The following TBC1D5 variants were observed in gnomAD, a reference collection of about 807,000 sequenced individuals.
TBC1D5 encodes TBC1 domain family, member 5.
TBC1D5 carries 75 observed loss-of-function variants against 100.3 expected under a neutral mutation model. The ratio of observed to expected loss-of-function variants is 0.75; its 90% confidence interval spans 0.62 to 0.91. The LOEUF (loss-of-function observed/expected upper bound fraction) is 0.91, where lower values mean the gene tolerates loss of function less well. Ranked by LOEUF, TBC1D5 falls within the 40% of genes least tolerant of loss-of-function variation. The pLI, the probability that TBC1D5 is intolerant of heterozygous loss-of-function variation, is 0.00. For synonymous variants in TBC1D5, 323 were observed against 325.6 expected (o/e 0.99, Z 0.09); for missense variants, 910 against 942.4 (o/e 0.97, Z 0.45).
chr3:17,693,422 G>C (rs993155355), intron 1 of TBC1D5, among the ~76,000 whole-genome samples: 1 of 152,230 alleles, frequency 6.6e-6, no homozygotes, highest in Non-Finnish European at 1.5e-5. Context: ...GGCAGACAAG[G>C]AGATTCTCTC....
At chr3:17,572,545 C>T (rs1205612565) in intron 2 of TBC1D5, among the ~76,000 whole-genome samples, 1 of 152,016 alleles carries the variant, frequency 6.6e-6, no homozygotes, top group Non-Finnish European at 1.5e-5. Flanking sequence ...CTCTGACAGT[C>T]AGCTCTTCAG....
chr3:17,734,050 G>A (rs1057444044), intron 1 of TBC1D5, among the ~76,000 whole-genome samples: 1 of 152,068 alleles, frequency 6.6e-6, no homozygotes, highest in African/African-American at 2.4e-5. Flanking sequence ...TTTTGACCCA[G>A]CAATTGTATT....
intron 2 of TBC1D5, among the ~76,000 whole-genome samples, chr3:17,553,122 G>T (rs2096487489): frequency 6.6e-6 from 1 of 152,058 alleles, no homozygotes; most frequent in African/African-American, 2.4e-5. Flanking sequence ...CCATATTTCA[G>T]ACAAAAGAGA....
rs2095138561 is a variant in TBC1D5 at position 17,458,541 on chromosome 3, A to C, written c.98-30022T>G. ...TCTCATCAGTATACACTTGGCTTCT[A>C]TCAATGTAACGATCATCTTAGTTGA... On this transcript the variant is annotated intron_variant, in intron 3 of 21. Coordinates refer to ENST00000253692, the Ensembl canonical transcript of TBC1D5. Among the ~76,000 whole-genome samples the C allele has an allele frequency of 2.6e-5, 4 of 152,104 alleles. No individual in the cohort carries two copies. In the South Asian group the frequency reaches 8.3e-4, roughly 32 times the overall value.
intron 2 of TBC1D5, among the ~76,000 whole-genome samples, chr3:17,612,210 G>T (rs56057697): frequency 0.1 from 15,153 of 149,028 alleles, 839 homozygotes; most frequent in African/African-American, 0.15. Flanking sequence ...TGAGGTGGGA[G>T]AATCACTTGA....
intron 2 of TBC1D5, among the ~76,000 whole-genome samples, chr3:17,602,885 T>C (rs2061074924): frequency 6.6e-6 from 1 of 152,070 alleles, no homozygotes; most frequent in African/African-American, 2.4e-5. Flanking sequence ...GACAATCAGA[T>C]TTTTTAATGG....
chr3:17,166,914 T>C (rs1342160147), exon 21 of TBC1D5: 4 of 1,605,220 alleles, frequency 2.5e-6, no homozygotes, highest in African/African-American at 1.3e-5. Flanking sequence ...GGGAACCTTT[T>C]AGAATGTCTT....
chr3:17,672,405 C>T (rs936890718), intron 1 of TBC1D5: 8 of 152,078 alleles, frequency 5.3e-5, no homozygotes, highest in African/African-American at 1.9e-4. Flanking sequence ...TCATATTGTT[C>T]ATATTAAGCA....
At chr3:17,634,881 A>T (rs552608901) in intron 1 of TBC1D5, among the ~76,000 whole-genome samples, 20 of 152,344 alleles carry the variant, frequency 1.3e-4, no homozygotes, top group Non-Finnish European at 2.4e-4. Context: ...AAACATTTTT[A>T]AAAAAGAAAT....
At chr3:17,211,638 T>C (rs938397052) in intron 18 of TBC1D5, among the ~76,000 whole-genome samples, 2 of 152,230 alleles carry the variant, frequency 1.3e-5, no homozygotes, top group Non-Finnish European at 2.9e-5. Flanking sequence ...GCTTCTTTGT[T>C]TTTTGCCTAC....
chr3:17,616,193 C>G (rs549811141), intron 2 of TBC1D5, among the ~76,000 whole-genome samples: 1 of 152,106 alleles, frequency 6.6e-6, no homozygotes, highest in Non-Finnish European at 1.5e-5. Context: ...TGTAGTTGTG[C>G]GGTTTTGAGT....
At chr3:17,333,915 G>GC (rs2087261769) in intron 13 of TBC1D5, among the ~76,000 whole-genome samples, 1 of 124,366 alleles carries the variant, frequency 8.0e-6, no homozygotes, top group Non-Finnish European at 1.9e-5. Context: ...GTTTTTCTAA[G>GC]CAAGTAACAG....
rs2153971451 is a variant in TBC1D5, at chr3:17,723,928, A to G, written c.-101+15415T>C. On this transcript the variant is annotated intron_variant, in intron 1 of 21. Coordinates refer to ENST00000253692, the Ensembl canonical transcript of TBC1D5. Reference sequence around the variant, plus strand: ...CATTAGAATACTTCATTATAATACTAGAACCAATCAGAAAATATATCTATC... The same window carrying G: ...CATTAGAATACTTCATTATAATACTGGAACCAATCAGAAAATATATCTATC... Among the ~76,000 whole-genome samples, 2 of 152,320 alleles carry G rather than the reference A, an allele frequency of 1.3e-5. 1 individual carries two copies. Among genetic ancestry groups the G allele is most frequent in the Middle Eastern group, 6.8e-3 (2 of 294 alleles).
At chr3:17,262,468 C>CCAAAA (rs1394464241) in intron 15 of TBC1D5, among the ~76,000 whole-genome samples, 1 of 148,092 alleles carries the variant, frequency 6.8e-6, no homozygotes, top group African/African-American at 2.5e-5. Context: ...ATGAGCATTT[C>CCAAAA]CAAAACAATG....
At chr3:17,575,573 A>C (rs2096652494) in intron 2 of TBC1D5, among the ~76,000 whole-genome samples, 1 of 152,070 alleles carries the variant, frequency 6.6e-6, no homozygotes, top group South Asian at 2.1e-4. Flanking sequence ...AACACAAGGA[A>C]AGGGATGGCT....
intron 2 of TBC1D5, among the ~76,000 whole-genome samples, chr3:17,584,886 G>A (rs1269525703): frequency 6.6e-6 from 1 of 152,160 alleles, no homozygotes; most frequent in East Asian, 1.9e-4. Flanking sequence ...TCGAACTCCT[G>A]ACCTCGTATT....
intron 1 of TBC1D5, among the ~76,000 whole-genome samples, chr3:17,664,586 GAC>G (rs2067025524): frequency 6.6e-6 from 1 of 152,122 alleles, no homozygotes; most frequent in Admixed American, 6.5e-5. Context: ...GAGAGGGACA[GAC>G]AAAAAGAGAG....
chr3:17,311,752 A>G (rs2150658983), intron 13 of TBC1D5, among the ~76,000 whole-genome samples: 1 of 152,200 alleles, frequency 6.6e-6, no homozygotes, highest in East Asian at 1.9e-4. Flanking sequence ...GTAACCTTAC[A>G]AGAACAAGTA....
At chr3:17,742,255 G>T (rs1005953955), upstream of TBC1D5, among the ~76,000 whole-genome samples, 1 of 152,146 alleles carries the variant, frequency 6.6e-6, no homozygotes, top group African/African-American at 2.4e-5. Flanking sequence ...CAAACGGGGG[G>T]CGGTGCGGCA....
Sources: allele counts gnomAD v4.1 joint callset (sites outside exome capture counted in the v4.1 genomes callset), GRCh38; gene constraint gnomAD v4.1.1; transcripts MANE v1.5; gene names NCBI Gene and HGNC (gene_info 2026-07-23, HGNC 2026-07-21).